Variants in CNKSR2 observed in about 807,000 individuals in gnomAD.
The protein encoded by CNKSR2 is connector enhancer of kinase suppressor of Ras 2.
CNKSR2 carries 14 observed loss-of-function variants against 84.4 expected under a neutral mutation model. The observed-to-expected ratio is 0.17, with a 90% CI of 0.11 to 0.26. The LOEUF (loss-of-function observed/expected upper bound fraction) is 0.26, where lower values mean the gene tolerates loss of function less well. CNKSR2 is among the 10% of genes least tolerant of loss of function. The probability of loss-of-function intolerance (pLI) is 1.00; values close to 1 mark genes in which losing one functional copy is unlikely to be tolerated. For missense variants in CNKSR2, 485 were observed against 771.2 expected, an observed-to-expected ratio of 0.63 and a Z score of 4.40; for synonymous variants, 275 against 277.9, an observed-to-expected ratio of 0.99 and a Z score of 0.10.
At position 21,654,290 on chromosome X, in the gene CNKSR2, A is replaced by C. The variant is rs975038569; in HGVS notation, c.*1769A>C. The C allele has an allele frequency of 2.8e-5, 3 of 107,038 alleles. No homozygotes were observed. The highest frequency in any genetic ancestry group is 1.0e-4 in the African/African-American group (3 of 29,641). 8.8% of individuals were successfully genotyped at this position (107,038 alleles called of 1,213,427 possible). On this transcript the variant is annotated 3_prime_UTR_variant, in exon 22 of 22. Transcript: ENST00000379510. ...GTATATGTAAAAAAAAAAAAAAAAA[A>C]AAAACAAAAAACCTCTTGTCCTAAA... is the stretch of plus-strand genomic sequence containing the variant.
At chrX:21,519,399 A>G (rs748139102) in intron 9 of CNKSR2, among the ~76,000 whole-genome samples, 1 of 111,260 alleles carries the variant, frequency 9.0e-6, no homozygotes, top group South Asian at 3.7e-4. Context: ...GCAGTTTTTC[A>G]TAACATCATG....
chrX:21,504,659 G>C, intron 8 of CNKSR2: 1 of 285,355 alleles, frequency 3.5e-6, no homozygotes, highest in Non-Finnish European at 6.2e-6. Flanking sequence ...TGCTAGTATG[G>C]TATATCTTCA....
intron 8 of CNKSR2, among the ~76,000 whole-genome samples, chrX:21,511,525 T>G (rs2091671102): frequency 9.1e-6 from 1 of 110,200 alleles, no homozygotes; most frequent in Non-Finnish European, 1.9e-5. Context: ...GAGGAAAATA[T>G]GGTGTCACCT....
chrX:21,652,579 G>A lies in CNKSR2; in HGVS notation c.*58G>A, dbSNP rs2092723608. On this transcript the variant is annotated 3_prime_UTR_variant, in exon 22 of 22. Transcript: ENST00000379510. ...CTGGTACTCTGAACAAGTATATAAGGTAGTTTTTATATCAATGTGTGGAAC... is the reference window on the plus strand; with the variant it reads ...CTGGTACTCTGAACAAGTATATAAGATAGTTTTTATATCAATGTGTGGAAC... 10 of 926,959 alleles carry A rather than the reference G, an allele frequency of 1.1e-5. No homozygotes were observed. The highest frequency in any genetic ancestry group is 2.2e-5 in the South Asian group (1 of 45,567). The allele number at this position is 926,959 out of a possible 1,213,427, so 76.4% of individuals were successfully genotyped here.
At chrX:21,409,511 T>G (rs1270451799) in intron 1 of CNKSR2, among the ~76,000 whole-genome samples, 1 of 108,983 alleles carries the variant, frequency 9.2e-6, no homozygotes, top group Non-Finnish European at 1.9e-5. Context: ...AAACCTCACT[T>G]CCTTAATGAA....
At chrX:21,606,516 G>A (rs1244290872) in intron 18 of CNKSR2, 4 of 253,433 alleles carry the variant, frequency 1.6e-5, no homozygotes, top group East Asian at 6.9e-5. Flanking sequence ...CATGCAGTAC[G>A]TTCTTTTTAA....
chrX:21,430,699 T>A (rs2147063868), intron 2 of CNKSR2, among the ~76,000 whole-genome samples: 1 of 112,376 alleles, frequency 8.9e-6, no homozygotes, highest in East Asian at 2.8e-4. Context: ...CAATTACATT[T>A]ACAGAAGAAA....
intron 1 of CNKSR2, among the ~76,000 whole-genome samples, chrX:21,419,985 C>T (rs1569158012): frequency 8.9e-6 from 1 of 112,587 alleles, no homozygotes; most frequent in East Asian, 2.8e-4. Context: ...TTCAGGGCAG[C>T]AATTTCCCCC....
intron 1 of CNKSR2, among the ~76,000 whole-genome samples, chrX:21,386,756 G>A (rs1014797894): frequency 9.0e-6 from 1 of 111,387 alleles, no homozygotes; most frequent in African/African-American, 3.3e-5. Context: ...GGAGAGAATG[G>A]TTTGAAGTTT....
intron 4 of CNKSR2, among the ~76,000 whole-genome samples, chrX:21,448,361 G>T (rs1454555319): frequency 2.7e-5 from 3 of 111,804 alleles, no homozygotes; most frequent in Non-Finnish European, 5.6e-5. Flanking sequence ...AATAAAAAGT[G>T]GTTATTGCAC....
chrX:21,504,637 A>G (rs2091594268), intron 8 of CNKSR2: 2 of 278,502 alleles, frequency 7.2e-6, no homozygotes, highest in Middle Eastern at 9.6e-4. Flanking sequence ...TTCAAATACT[A>G]TTTTTTTAAA....
chrX:21,500,112 AATATT>A (rs1362592640), intron 7 of CNKSR2, among the ~76,000 whole-genome samples: 1 of 110,719 alleles, frequency 9.0e-6, no homozygotes, highest in Non-Finnish European at 1.9e-5. Flanking sequence ...GTGAGATTAA[AATATT>A]ATATTATTGT....
intron 20 of CNKSR2, among the ~76,000 whole-genome samples, chrX:21,628,058 A>T (rs752771443): frequency 8.9e-6 from 1 of 111,832 alleles, no homozygotes; most frequent in Non-Finnish European, 1.9e-5. Context: ...GGATAAATGC[A>T]GCCATTCCAA....
In CNKSR2 at chrX:21,440,829, A is replaced by T. The variant is rs751838751; in HGVS notation, c.519+48A>T. Reference sequence around the variant, plus strand: ...TCTGTTAATTTATTAGCAACTTCATATTCCAACAATGGGAAGTATCCTATG... The same window carrying T: ...TCTGTTAATTTATTAGCAACTTCATTTTCCAACAATGGGAAGTATCCTATG... On this transcript the variant is annotated intron_variant, in intron 4 of 21. Coordinates refer to ENST00000379510, the MANE Select transcript of CNKSR2 (RefSeq NM_014927.5). 2.0e-5 allele frequency: 16 copies of T among 788,429 alleles called. No homozygotes were observed. The East Asian group carries it at 5.3e-4, about 26-fold the overall frequency. 65.0% of individuals were successfully genotyped at this position (788,429 alleles called of 1,213,427 possible).
intron 1 of CNKSR2, among the ~76,000 whole-genome samples, chrX:21,387,804 T>C (rs1328984766): frequency 6.3e-5 from 7 of 111,798 alleles, no homozygotes; most frequent in Admixed American, 9.4e-5. Context: ...AATGCCCTTA[T>C]TGTAATAAAA....
chrX:21,462,654 G>C (rs939209942), intron 4 of CNKSR2, among the ~76,000 whole-genome samples: 27 of 110,782 alleles, frequency 2.4e-4, no homozygotes, highest in African/African-American at 8.6e-4. Flanking sequence ...TATGATATTA[G>C]CTGTGAGTCT....
intron 4 of CNKSR2, chrX:21,441,246 A>G (rs2090779511): frequency 9.0e-6 from 1 of 111,422 alleles, no homozygotes. Flanking sequence ...TAGGCATGAT[A>G]TATTAGTGCT....
At chrX:21,485,148 A>C (rs887921875) in intron 5 of CNKSR2, among the ~76,000 whole-genome samples, 2 of 111,440 alleles carry the variant, frequency 1.8e-5, no homozygotes, top group African/African-American at 6.5e-5. Context: ...ATGCCACTGC[A>C]CTCCAGCCTG....
chrX:21,384,185 T>G (rs2089937609), intron 1 of CNKSR2, among the ~76,000 whole-genome samples: 1 of 111,852 alleles, frequency 8.9e-6, no homozygotes, highest in Admixed American at 9.5e-5. Context: ...GTTTTCCTCC[T>G]GGCCTGCTGG....
Sources: allele counts gnomAD v4.1 joint callset (sites outside exome capture counted in the v4.1 genomes callset), GRCh38; gene constraint gnomAD v4.1.1; transcripts MANE v1.5; gene names NCBI Gene and HGNC (gene_info 2026-07-23, HGNC 2026-07-21).